The following RMST variants were observed in gnomAD, a reference collection of about 807,000 sequenced individuals.
The protein encoded by RMST is rhabdomyosarcoma 2 associated transcript, also known as long intergenic non-protein coding RNA 54.
At chr12:97,540,203 G>A (rs1331361134) in intron 11 of RMST, among the ~76,000 whole-genome samples, 1 of 151,636 alleles carries the variant, frequency 6.6e-6, no homozygotes, top group Non-Finnish European at 1.5e-5. Context: ...GTAGTGGTGT[G>A]CACACAGTAG....
intron 11 of RMST, among the ~76,000 whole-genome samples, chr12:97,539,663 C>T (rs187836425): frequency 1.3e-5 from 2 of 151,588 alleles, no homozygotes; most frequent in East Asian, 1.9e-4. Context: ...TGTGGAGATG[C>T]GAACGTGTTT....
chr12:97,532,983 AAAT>A (rs1321671633), intron 11 of RMST: 5 of 151,840 alleles, frequency 3.3e-5, no homozygotes, highest in Non-Finnish European at 5.9e-5. Flanking sequence ...TATGTCATTC[AAAT>A]AATAATAAGA....
chr12:97,493,869 A>G (rs1054047890), intron 7 of RMST: 3 of 152,210 alleles, frequency 2.0e-5, no homozygotes, highest in East Asian at 3.8e-4. Context: ...TGACTGCATT[A>G]CTTAGCATTC....
chr12:97,529,527 T>C (rs1181511570), intron 10 of RMST, among the ~76,000 whole-genome samples: 1 of 152,106 alleles, frequency 6.6e-6, no homozygotes, highest in African/African-American at 2.4e-5. Flanking sequence ...GACCTACTAA[T>C]TTATTGATAA....
chr12:97,488,074 G>A (rs189072074), intron 5 of RMST, among the ~76,000 whole-genome samples: 1 of 152,178 alleles, frequency 6.6e-6, no homozygotes, highest in Non-Finnish European at 1.5e-5. Flanking sequence ...ACTGATGATA[G>A]CTATCCCATT....
chr12:97,563,413 G>C (rs1391800950), intron 13 of RMST: 1 of 231,366 alleles, frequency 4.3e-6, no homozygotes, highest in Admixed American at 5.7e-5. Flanking sequence ...GGGTATGTAA[G>C]AAAGCTTTCT....
intron 5 of RMST, among the ~76,000 whole-genome samples, chr12:97,478,298 A>T (rs574328731): frequency 6.6e-6 from 1 of 152,236 alleles, no homozygotes; most frequent in African/African-American, 2.4e-5. Flanking sequence ...TTGCTTCAGT[A>T]TCTATAAAAC....
intron 11 of RMST, among the ~76,000 whole-genome samples, chr12:97,558,544 G>C: frequency 6.6e-6 from 1 of 152,178 alleles, no homozygotes; most frequent in East Asian, 1.9e-4. Flanking sequence ...ATGTGTTACT[G>C]TATCAGGATA....
At chr12:97,474,639 A>C (rs1184726571) in intron 5 of RMST, among the ~76,000 whole-genome samples, 4 of 151,792 alleles carry the variant, frequency 2.6e-5, no homozygotes, top group South Asian at 4.1e-4. Flanking sequence ...AAAAAAAAAA[A>C]AAAAAACCTT....
rs557885350 is a variant in RMST at position 97,538,034 on chromosome 12, C to T, written n.1545+7175C>T. ...CCCAAAGATGAAGATGGATAAGCCA[C>T]CTTGCAAGCTTAATCACATCAGCTG... On this transcript the variant is annotated intron_variant and non_coding_transcript_variant, in intron 11 of 13. Transcript: ENST00000640149. Among the ~76,000 whole-genome samples, 3 of 151,442 alleles carry T rather than the reference C, an allele frequency of 2.0e-5. No homozygotes were observed. In the South Asian group the frequency reaches 6.2e-4, roughly 31 times the overall value.
chr12:97,467,242 G>A (rs1873298486), intron 5 of RMST, among the ~76,000 whole-genome samples: 1 of 151,918 alleles, frequency 6.6e-6, no homozygotes, highest in South Asian at 2.1e-4. Flanking sequence ...ATGTTACCAG[G>A]AACATCTTTG....
chr12:97,552,728 T>C (rs1395595437), intron 11 of RMST, among the ~76,000 whole-genome samples: 2 of 152,234 alleles, frequency 1.3e-5, no homozygotes, highest in African/African-American at 2.4e-5. Flanking sequence ...TTAAATGCTT[T>C]CACTTTTAGA....
chr12:97,511,690 G>C (rs1297542056), intron 10 of RMST, among the ~76,000 whole-genome samples: 1 of 152,172 alleles, frequency 6.6e-6, no homozygotes, highest in Non-Finnish European at 1.5e-5. Context: ...GTACTATTTT[G>C]AAGAGTAAAT....
chr12:97,553,038 A>G (rs1883414071), intron 11 of RMST, among the ~76,000 whole-genome samples: 1 of 152,186 alleles, frequency 6.6e-6, no homozygotes, highest in East Asian at 1.9e-4. Flanking sequence ...GTAAATAAGA[A>G]CTATTGCTGG....
intron 11 of RMST, among the ~76,000 whole-genome samples, chr12:97,538,729 G>T (rs903945370): frequency 2.6e-5 from 4 of 151,346 alleles, no homozygotes; most frequent in African/African-American, 4.8e-5. Context: ...AGGTTTAAGT[G>T]AGAATCATAA....
intron 5 of RMST, among the ~76,000 whole-genome samples, chr12:97,480,089 C>CT (rs369247317): frequency 0.029 from 2,675 of 90,784 alleles, 106 homozygotes; most frequent in African/African-American, 0.097. Flanking sequence ...TTTCTTTTTT[C>CT]TTTTTTTTTC....
chr12:97,476,917 T>C (rs540546729), intron 5 of RMST, among the ~76,000 whole-genome samples: 2 of 152,210 alleles, frequency 1.3e-5, no homozygotes, highest in Non-Finnish European at 2.9e-5. Flanking sequence ...GAAAGAATGG[T>C]GTGTACTTCA....
chr12:97,545,516 A>C (rs7971723), intron 11 of RMST, among the ~76,000 whole-genome samples: 2,440 of 152,174 alleles, frequency 0.016, 56 homozygotes, highest in African/African-American at 0.056. Flanking sequence ...AAAACTAATC[A>C]GTCATTGAGC....
At chr12:97,523,076 C>A (rs182009392) in intron 10 of RMST, among the ~76,000 whole-genome samples, 43 of 152,224 alleles carry the variant, frequency 2.8e-4, no homozygotes, top group African/African-American at 8.9e-4. Flanking sequence ...CTGATTGAAC[C>A]ATTTAGTTTC....
Sources: allele counts gnomAD v4.1 joint callset (sites outside exome capture counted in the v4.1 genomes callset), GRCh38; gene constraint gnomAD v4.1.1; transcripts MANE v1.5; gene names NCBI Gene and HGNC (gene_info 2026-07-23, HGNC 2026-07-21).